USP28: variants seen among roughly 807,000 people sequenced by gnomAD.
The protein encoded by USP28 is ubiquitin specific peptidase 28.
USP28 carries 113 observed loss-of-function variants against 145.0 expected under a neutral mutation model. That is an observed-to-expected ratio of 0.78 (90% CI 0.67 to 0.91). The LOEUF (loss-of-function observed/expected upper bound fraction) is 0.91, where lower values mean the gene tolerates loss of function less well. USP28 is among the 40% of genes least tolerant of loss of function. The pLI is 0.00. For missense variants in USP28, 1,201 were observed against 1,289.6 expected (o/e 0.93, Z 1.05); for synonymous variants, 447 against 450.9 (o/e 0.99, Z 0.11).
At chr11:113,867,971 GTAC>G (rs1948461102) in intron 1 of USP28, among the ~76,000 whole-genome samples, 1 of 152,150 alleles carries the variant, frequency 6.6e-6, no homozygotes, top group Non-Finnish European at 1.5e-5. Flanking sequence ...CATGCAGCTG[GTAC>G]TTACTGAGGC....
rs1944270177 is a variant in USP28 at position 113,833,642 on chromosome 11, A to G, written c.622-85T>C. 3 of 1,366,160 alleles carry G rather than the reference A, an allele frequency of 2.2e-6. No individual in the cohort carries two copies. The Admixed American group carries it at 6.5e-5, about 30-fold the overall frequency. The allele number at this position is 1,366,160 out of a possible 1,614,324, so 84.6% of individuals were successfully genotyped here. On this transcript the variant is annotated intron_variant, in intron 6 of 24. Transcript: ENST00000003302. ...AAAGAAAAAAAAGTTGTCAATAATC[A>G]TGCCCTCATTTATATTTACCTAGAT...
At chr11:113,866,940 C>G (rs1216686534) in intron 1 of USP28, among the ~76,000 whole-genome samples, 1 of 151,818 alleles carries the variant, frequency 6.6e-6, no homozygotes, top group East Asian at 1.9e-4. Flanking sequence ...TCTATACATA[C>G]AGTGGAATAT....
intron 2 of USP28, among the ~76,000 whole-genome samples, chr11:113,853,615 C>T (rs1380635450): frequency 6.6e-6 from 1 of 152,168 alleles, no homozygotes; most frequent in African/African-American, 2.4e-5. Context: ...TGGCTCATGC[C>T]TGTAATCCCA....
intron 11 of USP28, among the ~76,000 whole-genome samples, chr11:113,824,822 T>A (rs1216520943): frequency 4.6e-5 from 7 of 150,942 alleles, no homozygotes; most frequent in Non-Finnish European, 1.0e-4. Flanking sequence ...TCCCAGATAC[T>A]TGGGAGGCTG....
chr11:113,831,835 G>C, intron 8 of USP28, 85 bp downstream of exon 8: 1 of 1,349,296 alleles, frequency 7.4e-7, no homozygotes, highest in Non-Finnish European at 1.0e-6. Context: ...GCAATTTCTA[G>C]TTAAGGAGAG....
At chr11:113,819,247 G>A (rs1475064112) in intron 12 of USP28, among the ~76,000 whole-genome samples, 1 of 151,798 alleles carries the variant, frequency 6.6e-6, no homozygotes, top group Non-Finnish European at 1.5e-5. Flanking sequence ...CGAGTAGCTG[G>A]GACTACAGGT....
Position 113,809,240 on chromosome 11 carries a change from C to A in USP28, c.1987G>T (p.Glu663Ter). ...TCCACTTCTGACATTTGATCTGATT[C>A]AGTTGGGGCTGCCTCTGAGGAAAAG... The change falls in exon 17 of 25, where the codon GAA becomes TAA. Residue 663 changes from glutamate to a stop codon, truncating the protein, a stop_gained. Coordinates refer to ENST00000003302, the Ensembl canonical transcript of USP28. LOFTEE classifies it high-confidence loss of function. The A allele has an allele frequency of 1.2e-6, 2 of 1,613,740 alleles. No homozygotes were observed.
chr11:113,845,982 C>T (rs1945801027), intron 3 of USP28, among the ~76,000 whole-genome samples: 1 of 152,132 alleles, frequency 6.6e-6, no homozygotes, highest in South Asian at 2.1e-4. Context: ...AATGGATAAA[C>T]AAAACATGGC....
At chr11:113,822,841 C>A (rs965655286) in intron 12 of USP28, among the ~76,000 whole-genome samples, 1 of 152,008 alleles carries the variant, frequency 6.6e-6, no homozygotes, top group Admixed American at 6.6e-5. Context: ...GCAGTGGTAG[C>A]GGTGGGGGTA....
At chr11:113,860,962 C>CA (rs1407385467) in intron 1 of USP28, among the ~76,000 whole-genome samples, 1 of 148,434 alleles carries the variant, frequency 6.7e-6, no homozygotes, top group African/African-American at 2.5e-5. Context: ...ACTAAAAACA[C>CA]AAAAAATTAG....
At chr11:113,832,231 T>G (rs1218438202) in intron 7 of USP28, among the ~76,000 whole-genome samples, 2 of 152,166 alleles carry the variant, frequency 1.3e-5, no homozygotes, top group Non-Finnish European at 2.9e-5. Flanking sequence ...TGCCTCAGCC[T>G]CCCAAGTAGC....
chr11:113,837,482 G>A (rs1475267711), intron 5 of USP28, among the ~76,000 whole-genome samples: 1 of 152,146 alleles, frequency 6.6e-6, no homozygotes, highest in Admixed American at 6.5e-5. Flanking sequence ...CAGATTACAC[G>A]TTCAGAAAAG....
chr11:113,851,830 G>C (rs559138626), intron 3 of USP28, among the ~76,000 whole-genome samples: 62 of 112,346 alleles, frequency 5.5e-4, no homozygotes, highest in African/African-American at 1.8e-3. Context: ...ACAGTCCCCA[G>C]CACTCTTTTT....
At chr11:113,850,775 A>G (rs1464246974) in intron 3 of USP28, among the ~76,000 whole-genome samples, 2 of 152,150 alleles carry the variant, frequency 1.3e-5, no homozygotes, top group African/African-American at 4.8e-5. Context: ...ACTCCCTTGG[A>G]GAGCTCCTCA....
At chr11:113,855,750 A>G (rs2136602011) in intron 1 of USP28, among the ~76,000 whole-genome samples, 1 of 152,186 alleles carries the variant, frequency 6.6e-6, no homozygotes, top group Admixed American at 6.5e-5. Flanking sequence ...CGTCTCTACT[A>G]AAAATACAAA....
At chr11:113,867,003 CA>C (rs1184664931) in intron 1 of USP28, among the ~76,000 whole-genome samples, 1 of 151,982 alleles carries the variant, frequency 6.6e-6, no homozygotes, top group African/African-American at 2.4e-5. Flanking sequence ...GAACAAATCT[CA>C]AAAACATTAC....
chr11:113,862,999 C>T (rs1053671158), intron 1 of USP28, among the ~76,000 whole-genome samples: 1 of 152,204 alleles, frequency 6.6e-6, no homozygotes, highest in Non-Finnish European at 1.5e-5. Context: ...TGCCCACTTT[C>T]ACCACTGCTA....
chr11:113,823,649 T>C (rs531513835), exon 12 of USP28: 2 of 1,612,704 alleles, frequency 1.2e-6, no homozygotes, highest in South Asian at 1.1e-5. Flanking sequence ...CCTTCAACTT[T>C]CGAATACACT....
exon 12 of USP28, chr11:113,823,695 A>T: frequency 1.9e-6 from 3 of 1,604,082 alleles, no homozygotes; most frequent in Non-Finnish European, 2.6e-6. Context: ...GCTCCTGTAC[A>T]TGTACCTAAG....
Sources: allele counts gnomAD v4.1 joint callset (sites outside exome capture counted in the v4.1 genomes callset), GRCh38; gene constraint gnomAD v4.1.1; transcripts MANE v1.5; gene names NCBI Gene and HGNC (gene_info 2026-07-23, HGNC 2026-07-21).